Variants in VEGFC observed in about 807,000 individuals in gnomAD.
VEGFC encodes the protein FLT4 ligand DHM.
In VEGFC, 12 loss-of-function variants were observed where a neutral mutation model predicts 46.1. The observed-to-expected ratio is 0.26, with a 90% CI of 0.17 to 0.42. The LOEUF is 0.42. Ranked by LOEUF, VEGFC falls within the 10% of genes least tolerant of loss-of-function variation. VEGFC has a pLI of 1.00. For missense variants in VEGFC, 488 were observed against 529.4 expected (o/e 0.92, Z 0.77); for synonymous variants, 232 against 195.5 (o/e 1.19, Z -1.56).
At chr4:176,732,887 G>A (rs1734991531) in intron 1 of VEGFC, among the ~76,000 whole-genome samples, 1 of 151,758 alleles carries the variant, frequency 6.6e-6, no homozygotes, top group Non-Finnish European at 1.5e-5. Context: ...GATAAACAGT[G>A]AGAAAACATT....
At chr4:176,687,622 C>A in intron 5 of VEGFC, 102 bp from the exon 6 acceptor site, 1 of 1,187,846 alleles carries the variant, frequency 8.4e-7, no homozygotes, top group Non-Finnish European at 1.1e-6. Flanking sequence ...TGTTTTCCAT[C>A]AAAGGATTGG....
chr4:176,747,344 G>C (rs561421872), intron 1 of VEGFC, among the ~76,000 whole-genome samples: 1 of 152,126 alleles, frequency 6.6e-6, no homozygotes, highest in East Asian at 1.9e-4. Flanking sequence ...AATTAATAAT[G>C]AGTAAACATA....
intron 3 of VEGFC, among the ~76,000 whole-genome samples, chr4:176,720,842 TAAA>T (rs33929788): frequency 4.2e-4 from 33 of 78,206 alleles, no homozygotes; most frequent in East Asian, 1.8e-3. Context: ...AGACTCCATC[TAAA>T]AAAAAAAAAA....
At chr4:176,684,229 C>A (rs1396301460) in intron 6 of VEGFC, among the ~76,000 whole-genome samples, 189 bp from the exon 7 acceptor site, 5 of 152,118 alleles carry the variant, frequency 3.3e-5, no homozygotes, top group African/African-American at 9.7e-5. Context: ...AATGGAAAAG[C>A]CTTAAAATAA....
At chr4:176,692,902 C>T (rs1285483095) in intron 4 of VEGFC, among the ~76,000 whole-genome samples, 11 of 147,290 alleles carry the variant, frequency 7.5e-5, no homozygotes, top group Non-Finnish European at 1.6e-4. Flanking sequence ...TCCAACAGAC[C>T]TGCAGCTGAG....
At chr4:176,791,291 ATACTC>A (rs1235126716) in intron 1 of VEGFC, among the ~76,000 whole-genome samples, 1 of 152,142 alleles carries the variant, frequency 6.6e-6, no homozygotes, top group African/African-American at 2.4e-5. Context: ...TCTCTTAAGC[ATACTC>A]TATATGGTTA....
rs1364500152 is a variant in VEGFC at position 176,729,727 on chromosome 4, A to T, written c.167T>A (p.Leu56Gln). 12 of 1,597,192 alleles carry T rather than the reference A, an allele frequency of 7.5e-6. No homozygotes were observed. The East Asian group carries it at 2.7e-4, about 36-fold the overall frequency. ...GGACACAGACCGTAACTGCTCCTCC[A>T]GATCTTTGCTTGCATAAGCCTGTCA... is the stretch of plus-strand genomic sequence containing the variant. ...GEATAYASKDLEEQLRSVSSV... is the reference protein window; with the variant it reads ...GEATAYASKDQEEQLRSVSSV... Residue 56 changes from leucine (L) to glutamine (Q), a missense_variant, in exon 2 of 7, where the codon CTG becomes CAG. Physicochemically the swap from Leu to Gln is moderately radical, Grantham distance 113. Coordinates refer to ENST00000618562, the MANE Select transcript of VEGFC (RefSeq NM_005429.5).
At chr4:176,768,491 C>CATATATATATATATATATATATAT (rs145504348) in intron 1 of VEGFC, among the ~76,000 whole-genome samples, 1,593 of 100,344 alleles carry the variant, frequency 0.016, 79 homozygotes, top group East Asian at 0.037. Context: ...ATGTTTTATA[C>CATATATATATATATATATATATAT]ATATATATAT....
At chr4:176,779,584 G>A (rs1735872548) in intron 1 of VEGFC, among the ~76,000 whole-genome samples, 1 of 151,994 alleles carries the variant, frequency 6.6e-6, no homozygotes, top group Non-Finnish European at 1.5e-5. Context: ...CATCAAGTGG[G>A]GTGAAACACT....
chr4:176,755,763 C>T (rs185226163), intron 1 of VEGFC, among the ~76,000 whole-genome samples: 71 of 152,068 alleles, frequency 4.7e-4, no homozygotes, highest in Non-Finnish European at 4.3e-4. Flanking sequence ...TCAACCCATA[C>T]GTTAATTTCT....
intron 1 of VEGFC, among the ~76,000 whole-genome samples, chr4:176,737,680 T>G (rs1474766024): frequency 6.6e-6 from 1 of 151,720 alleles, no homozygotes; most frequent in African/African-American, 2.4e-5. Flanking sequence ...AGTAAAGCCA[T>G]CCTTAGAAAA....
chr4:176,738,509 T>C (rs770777691), intron 1 of VEGFC, among the ~76,000 whole-genome samples: 77 of 151,954 alleles, frequency 5.1e-4, no homozygotes, highest in Non-Finnish European at 6.3e-4. Flanking sequence ...ATGCAGAAAA[T>C]TGAAACTTGA....
chr4:176,766,000 C>T (rs76322833), intron 1 of VEGFC, among the ~76,000 whole-genome samples: 2,547 of 151,926 alleles, frequency 0.017, 42 homozygotes, highest in Non-Finnish European at 0.028. Flanking sequence ...ACCTAGAATA[C>T]TATACACAGA....
chr4:176,723,279 T>A (rs1008381066), intron 3 of VEGFC, among the ~76,000 whole-genome samples: 3 of 152,116 alleles, frequency 2.0e-5, no homozygotes, highest in Non-Finnish European at 4.4e-5. Flanking sequence ...GATAGATATG[T>A]TTCTTTTACA....
intron 1 of VEGFC, among the ~76,000 whole-genome samples, chr4:176,778,856 T>A (rs6552195): frequency 0.11 from 16,620 of 151,890 alleles, 2,261 homozygotes; most frequent in African/African-American, 0.32. Context: ...CTCGAGATAT[T>A]CCCCCTAAAA....
At chr4:176,781,102 G>T (rs138832873) in intron 1 of VEGFC, among the ~76,000 whole-genome samples, 1 of 152,166 alleles carries the variant, frequency 6.6e-6, no homozygotes, top group Admixed American at 6.5e-5. Flanking sequence ...ATCTGAAGCA[G>T]CTTCAAATTA....
At chr4:176,774,605 GA>G (rs2110933036) in intron 1 of VEGFC, among the ~76,000 whole-genome samples, 1 of 152,142 alleles carries the variant, frequency 6.6e-6, no homozygotes, top group Admixed American at 6.5e-5. Flanking sequence ...TCAAGAAATG[GA>G]AAAATATAAC....
chr4:176,740,387 AC>A (rs1735147281), intron 1 of VEGFC, among the ~76,000 whole-genome samples: 1 of 122,036 alleles, frequency 8.2e-6, no homozygotes, highest in African/African-American at 3.3e-5. Flanking sequence ...GTTATATATA[AC>A]TATATATTTA....
chr4:176,776,441 A>C (rs1454455749), intron 1 of VEGFC, among the ~76,000 whole-genome samples: 1 of 152,206 alleles, frequency 6.6e-6, no homozygotes, highest in Non-Finnish European at 1.5e-5. Context: ...ATTTGGTCAA[A>C]ACTACATTTA....
Sources: gnomAD v4.1 joint callset for allele counts (sites outside exome capture counted in the v4.1 genomes callset) on GRCh38, gnomAD v4.1.1 for gene constraint, MANE v1.5 for transcripts, NCBI Gene and HGNC (gene_info 2026-07-23, HGNC 2026-07-21) for gene names.